Variants in RANBP2 observed in about 807,000 individuals in gnomAD.
The protein encoded by RANBP2 is E3 SUMO-protein ligase RanBP2.
RANBP2 carries 57 observed loss-of-function variants against 303.6 expected under a neutral mutation model. The ratio of observed to expected loss-of-function variants is 0.19; its 90% CI spans 0.15 to 0.23. RANBP2 has a LOEUF of 0.23. Ranked by LOEUF, RANBP2 falls within the 10% of genes least tolerant of loss-of-function variation. RANBP2 has a pLI of 1.00. For synonymous variants in RANBP2, 1,167 were observed against 1,301.5 expected, an observed-to-expected ratio of 0.90 and a Z score of 2.23; for missense variants, 3,138 against 3,780.8, an observed-to-expected ratio of 0.83 and a Z score of 4.46.
Position 108,736,153 on chromosome 2 carries a change from G to A in RANBP2, c.686G>A (p.Arg229Gln), listed in dbSNP as rs764927513. The A allele has an allele frequency of 1.5e-5, 24 of 1,611,832 alleles. 1 individual carries two copies. The highest frequency in any genetic ancestry group is 2.3e-4 in the Middle Eastern group (1 of 4,426). The change falls in exon 6 of 29, where the codon CGA (arginine) becomes CAA (glutamine). Residue 229 changes from arginine (R) to glutamine (Q), a missense_variant. By Grantham distance (43) the Arg-to-Gln change is conservative. Coordinates refer to ENST00000283195, the MANE Select transcript of RANBP2 (RefSeq NM_006267.5). ...TTGGAGTCTGATAAAAGTGACTGGC[G>A]AGCAACCAATACAGACTTACTGCTG... ...QCLESDKSDWRATNTDLLLAY... is the reference protein window; with the variant it reads ...QCLESDKSDWQATNTDLLLAY...
the RANBP2 span, among the ~76,000 whole-genome samples, chr2:109,358,666 G>A: frequency 6.6e-6 from 1 of 152,110 alleles, no homozygotes; most frequent in African/African-American, 2.4e-5. Context: ...AGAGTTTTTT[G>A]TGTATTTTGC....
At chr2:109,002,507 G>C in the RANBP2 span, among the ~76,000 whole-genome samples, 1 of 152,010 alleles carries the variant, frequency 6.6e-6, no homozygotes, top group Non-Finnish European at 1.5e-5. Context: ...TTAAGACTTG[G>C]CTCCCCACTG....
the RANBP2 span, chr2:108,798,506 C>T: frequency 6.2e-7 from 1 of 1,613,838 alleles, no homozygotes; most frequent in Admixed American, 1.7e-5. Context: ...AGAACAACTG[C>T]TTTTCAGACA....
At chr2:109,717,271 C>CAAA in the RANBP2 span, among the ~76,000 whole-genome samples, 11 of 80,828 alleles carry the variant, frequency 1.4e-4, 1 homozygote, top group East Asian at 4.7e-4. Context: ...TAAAAACAAA[C>CAAA]CAAAAAAAAA....
chr2:109,007,211 A>G, the RANBP2 span, among the ~76,000 whole-genome samples: 1 of 152,260 alleles, frequency 6.6e-6, no homozygotes, highest in Non-Finnish European at 1.5e-5. Context: ...TATGTGTTTT[A>G]AGTTAAAGGG....
At chr2:109,083,726 A>T in the RANBP2 span, among the ~76,000 whole-genome samples, 9 of 152,156 alleles carry the variant, frequency 5.9e-5, no homozygotes, top group Admixed American at 5.9e-4. Flanking sequence ...CAGAACCACC[A>T]TCCTGTTTTC....
the RANBP2 span, among the ~76,000 whole-genome samples, chr2:109,607,973 GA>G: frequency 2.0e-5 from 3 of 152,236 alleles, no homozygotes; most frequent in African/African-American, 7.2e-5. Flanking sequence ...TGGAGATGGG[GA>G]AAAGTTCAAT....
chr2:108,796,808 C>T, the RANBP2 span, among the ~76,000 whole-genome samples: 1 of 151,790 alleles, frequency 6.6e-6, no homozygotes, highest in Non-Finnish European at 1.5e-5. Context: ...ATGGTGGTTA[C>T]CAGAGGCTGG....
the RANBP2 span, among the ~76,000 whole-genome samples, chr2:108,811,245 C>CTTTTTTTTTTTTT: frequency 5.4e-4 from 59 of 109,602 alleles, 10 homozygotes; most frequent in African/African-American, 1.2e-3. Flanking sequence ...CTTTCTCTCT[C>CTTTTTTTTTTTTT]TCTTTTTTTT....
At chr2:108,922,019 T>G in the RANBP2 span, among the ~76,000 whole-genome samples, 3 of 152,238 alleles carry the variant, frequency 2.0e-5, no homozygotes. Context: ...CTCAGGGGAC[T>G]TTGCTTGCTT....
At chr2:109,007,745 A>C in the RANBP2 span, among the ~76,000 whole-genome samples, 1 of 152,228 alleles carries the variant, frequency 6.6e-6, no homozygotes, top group African/African-American at 2.4e-5. Flanking sequence ...ATTTTACTGG[A>C]ATGAATATGG....
At chr2:109,527,412 C>T in the RANBP2 span, among the ~76,000 whole-genome samples, 2 of 152,274 alleles carry the variant, frequency 1.3e-5, no homozygotes, top group South Asian at 2.1e-4. Context: ...AAGAAACAGA[C>T]GTGCTGGAGG....
At chr2:109,244,316 A>T in the RANBP2 span, among the ~76,000 whole-genome samples, 1 of 152,216 alleles carries the variant, frequency 6.6e-6, no homozygotes, top group Admixed American at 6.5e-5. Context: ...CACATTTTGC[A>T]TCTAGGAGCA....
At chr2:109,253,588 T>C in the RANBP2 span, among the ~76,000 whole-genome samples, 1 of 152,200 alleles carries the variant, frequency 6.6e-6, no homozygotes, top group African/African-American at 2.4e-5. Context: ...CAAATTCTTA[T>C]TCTGACTAAT....
chr2:109,492,898 C>T, the RANBP2 span, among the ~76,000 whole-genome samples: 1 of 152,082 alleles, frequency 6.6e-6, no homozygotes. Context: ...CACTGCCATG[C>T]CAGTCCCAGC....
At chr2:109,240,664 C>T in the RANBP2 span, among the ~76,000 whole-genome samples, 7 of 152,136 alleles carry the variant, frequency 4.6e-5, no homozygotes, top group African/African-American at 1.2e-4. Context: ...TTATTTCACA[C>T]GAACCAGAGA....
At chr2:108,910,491 G>A in the RANBP2 span, 1 of 1,613,934 alleles carries the variant, frequency 6.2e-7, no homozygotes, top group South Asian at 1.1e-5. Flanking sequence ...GTTGCTGTCA[G>A]CTTCTCAAAT....
At chr2:109,517,506 G>A in the RANBP2 span, among the ~76,000 whole-genome samples, 1 of 151,544 alleles carries the variant, frequency 6.6e-6, no homozygotes, top group African/African-American at 2.5e-5. Flanking sequence ...ACCCCGCCTG[G>A]CTGCTGCTTG....
chr2:108,875,732 G>T, the RANBP2 span, among the ~76,000 whole-genome samples: 1 of 152,100 alleles, frequency 6.6e-6, no homozygotes. Context: ...GGTGATGTGC[G>T]CCTGTAGTCC....
Sources: allele counts gnomAD v4.1 joint callset (sites outside exome capture counted in the v4.1 genomes callset), GRCh38; gene constraint gnomAD v4.1.1; transcripts MANE v1.5; gene names NCBI Gene and HGNC (gene_info 2026-07-23, HGNC 2026-07-21).